Variants in NELL1 observed in about 807,000 individuals in gnomAD.
The protein encoded by NELL1 is neural EGFL like 1.
NELL1 carries 76 observed loss-of-function variants against 107.4 expected under a neutral mutation model. That is an observed-to-expected ratio of 0.71 (90% CI 0.59 to 0.86). NELL1 has a LOEUF of 0.86. Ranked by LOEUF, NELL1 falls within the 40% of genes least tolerant of loss-of-function variation. The pLI, the probability that NELL1 is intolerant of heterozygous loss-of-function variation, is 0.00. For synonymous variants in NELL1, 353 were observed against 341.2 expected (o/e 1.03, Z -0.38); for missense variants, 1,024 against 1,005.5 (o/e 1.02, Z -0.25).
At chr11:21,170,848 T>G (rs1477769837) in intron 13 of NELL1, among the ~76,000 whole-genome samples, 1 of 151,670 alleles carries the variant, frequency 6.6e-6, no homozygotes, top group Non-Finnish European at 1.5e-5. Flanking sequence ...TAATCCTTCT[T>G]GATTTATGTT....
At chr11:20,926,370 A>G (rs1463209661) in intron 7 of NELL1, among the ~76,000 whole-genome samples, 1 of 152,196 alleles carries the variant, frequency 6.6e-6, no homozygotes, top group Admixed American at 6.5e-5. Context: ...AGTGTGGTCA[A>G]GACGACAGGA....
At chr11:21,306,934 TTCAGTCTTACC>T (rs1221478076) in intron 14 of NELL1, among the ~76,000 whole-genome samples, 1 of 152,150 alleles carries the variant, frequency 6.6e-6, no homozygotes. Flanking sequence ...TCTGAATTCT[TTCAGTCTTACC>T]TCATGCCATT....
chr11:20,933,550 G>A (rs1393176404), intron 9 of NELL1, among the ~76,000 whole-genome samples: 1 of 152,172 alleles, frequency 6.6e-6, no homozygotes, highest in Non-Finnish European at 1.5e-5. Flanking sequence ...GCTCACTGAG[G>A]GAGGAAGGAT....
At chr11:21,448,193 G>A (rs904981997) in intron 15 of NELL1, among the ~76,000 whole-genome samples, 1 of 152,152 alleles carries the variant, frequency 6.6e-6, no homozygotes, top group African/African-American at 2.4e-5. Context: ...TGGTTCTTAT[G>A]CAGGTGTTTT....
Position 20,678,066 on chromosome 11 carries a change from G to C in NELL1, c.184+6G>C. 3 of 1,614,034 alleles carry C rather than the reference G, an allele frequency of 1.9e-6. No homozygotes were observed. Among genetic ancestry groups the C allele is most frequent in the Non-Finnish European group, 2.5e-6 (3 of 1,179,940 alleles). On this transcript the variant is annotated splice_donor_region_variant and intron_variant, in intron 2 of 19. Transcript: ENST00000357134. ...CAAAGCATTTTTATTTCAAGGTAAA[G>C]GCACCTCCTTTCTTGCATGGTGGCA...
At position 21,195,554 on chromosome 11, in the gene NELL1, A is replaced by G. The variant is rs912507986; in HGVS notation, c.1427-33778A>G. 3.9e-5 allele frequency among the ~76,000 whole-genome samples: 4 copies of G among 103,046 alleles called. No homozygotes were observed. In the Admixed American group the frequency reaches 5.0e-4, roughly 13 times the overall value. 67.6% of individuals were successfully genotyped at this position (103,046 alleles called of 152,430 possible). A position where few individuals can be genotyped will look rare whatever the true frequency, so the allele number is the denominator to read the frequency against. ...ATACAGATATAATTTTCTGTTAGCC[A>G]CATTAAGAAAAGTAAAAAAAAAAAA... On this transcript the variant is annotated intron_variant, in intron 13 of 19. Transcript: ENST00000357134.
At chr11:21,352,310 A>G (rs1850835635) in intron 14 of NELL1, among the ~76,000 whole-genome samples, 1 of 152,138 alleles carries the variant, frequency 6.6e-6, no homozygotes, top group Admixed American at 6.6e-5. Flanking sequence ...CTAGAGGATA[A>G]GTTGCATATG....
At chr11:20,731,857 G>A (rs1000637992) in intron 2 of NELL1, among the ~76,000 whole-genome samples, 78 of 152,258 alleles carry the variant, frequency 5.1e-4, no homozygotes, top group Admixed American at 3.9e-3. Flanking sequence ...GCAGGTGTGC[G>A]CAGATACATG....
intron 4 of NELL1, among the ~76,000 whole-genome samples, chr11:20,865,211 T>C (rs1476050810): frequency 5.9e-5 from 9 of 152,216 alleles, no homozygotes; most frequent in Admixed American, 5.9e-4. Flanking sequence ...AATACAACTT[T>C]TGCAGGATCC....
chr11:21,389,061 T>G lies in NELL1; in HGVS notation c.1645+18113T>G, dbSNP rs374664112. On this transcript the variant is annotated intron_variant, in intron 15 of 19. Transcript: ENST00000357134. ...ACTAGTCCCCCATTTGCTGGTTATC[T>G]AAGCAGAGAACCTTATCATACTCTT... Among the ~76,000 whole-genome samples, 270 of 152,008 alleles carry G rather than the reference T, an allele frequency of 1.8e-3. 9 individuals are homozygous for G. The South Asian group carries it at 0.053, about 30-fold the overall frequency.
At chr11:20,731,362 C>A (rs1564884236) in intron 2 of NELL1, among the ~76,000 whole-genome samples, 1 of 152,168 alleles carries the variant, frequency 6.6e-6, no homozygotes, top group Non-Finnish European at 1.5e-5. Context: ...TTGGCTGATG[C>A]CTGTGGCTGA....
At chr11:21,016,836 T>A (rs887973245) in intron 12 of NELL1, among the ~76,000 whole-genome samples, 5 of 152,022 alleles carry the variant, frequency 3.3e-5, no homozygotes, top group African/African-American at 1.2e-4. Flanking sequence ...CTCTCTTTTT[T>A]CCCCCTAACT....
intron 12 of NELL1, among the ~76,000 whole-genome samples, chr11:21,058,492 AT>A (rs1416537113): frequency 6.6e-6 from 1 of 152,074 alleles, no homozygotes; most frequent in Non-Finnish European, 1.5e-5. Flanking sequence ...CACACTGTGC[AT>A]TTAGATGTAT....
At chr11:21,528,511 AC>A (rs1554929481) in intron 15 of NELL1, among the ~76,000 whole-genome samples, 1,717 of 46,238 alleles carry the variant, frequency 0.037, 43 homozygotes, top group African/African-American at 0.12. Context: ...GCACATACCC[AC>A]CCCCCCCCCC....
intron 5 of NELL1, among the ~76,000 whole-genome samples, chr11:20,902,284 T>C (rs928322080): frequency 1.3e-5 from 2 of 152,092 alleles, no homozygotes; most frequent in Non-Finnish European, 2.9e-5. Context: ...CCTTTTTTTT[T>C]TAACTCAATA....
At chr11:21,171,431 C>T (rs1433552973) in intron 13 of NELL1, among the ~76,000 whole-genome samples, 1 of 151,728 alleles carries the variant, frequency 6.6e-6, no homozygotes, top group Non-Finnish European at 1.5e-5. Flanking sequence ...ATAAACATGT[C>T]TGTATATTTT....
intron 14 of NELL1, among the ~76,000 whole-genome samples, chr11:21,367,515 T>A (rs1215991158): frequency 6.6e-6 from 1 of 152,080 alleles, no homozygotes; most frequent in Admixed American, 6.6e-5. Context: ...GGCACAGGGA[T>A]CTTTGCCGTC....
chr11:21,395,071 T>C (rs1851953288), intron 15 of NELL1, among the ~76,000 whole-genome samples: 1 of 151,502 alleles, frequency 6.6e-6, no homozygotes, highest in Non-Finnish European at 1.5e-5. Flanking sequence ...GTTCTATTTG[T>C]TAATAGCTAG....
intron 15 of NELL1, among the ~76,000 whole-genome samples, chr11:21,382,240 A>T (rs1309693523): frequency 6.6e-6 from 1 of 151,928 alleles, no homozygotes; most frequent in Non-Finnish European, 1.5e-5. Flanking sequence ...GGGAGTAATC[A>T]TCCAAATATG....
Sources: allele counts gnomAD v4.1 joint callset (sites outside exome capture counted in the v4.1 genomes callset), GRCh38; gene constraint gnomAD v4.1.1; transcripts MANE v1.5; gene names NCBI Gene and HGNC (gene_info 2026-07-23, HGNC 2026-07-21).